PPEF2: variants seen among roughly 807,000 people sequenced by gnomAD.
PPEF2 encodes the protein protein phosphatase with EF-hand domain 2.
A neutral mutation model predicts 84.7 loss-of-function variants in PPEF2; 84 were observed. The ratio of observed to expected loss-of-function variants is 0.99; its 90% CI spans 0.83 to 1.19. The LOEUF (loss-of-function observed/expected upper bound fraction) is 1.19. Ranked by LOEUF, PPEF2 falls within the 50% of genes most tolerant of loss-of-function variation. The probability of loss-of-function intolerance (pLI) is 0.00; values close to 1 mark genes in which losing one functional copy is unlikely to be tolerated. For missense variants in PPEF2, 924 were observed against 937.5 expected, an observed-to-expected ratio of 0.99 and a Z score of 0.19; for synonymous variants, 346 against 345.2, an observed-to-expected ratio of 1.00 and a Z score of -0.03.
At chr4:75,898,822 A>G (rs778991074) in intron 1 of PPEF2, among the ~76,000 whole-genome samples, 1 of 152,036 alleles carries the variant, frequency 6.6e-6, no homozygotes, top group Non-Finnish European at 1.5e-5. Flanking sequence ...TAATTGGCAT[A>G]TCCATCACCT....
chr4:75,876,332 A>G lies in PPEF2; in HGVS notation c.1275T>C (p.Ser425=). ...TGGGCTTCCGCAGCTCTCCGGCTTCAGAGTCTGCTTCTGAGGCTGAGCGGG... is the reference window on the plus strand; with the variant it reads ...TGGGCTTCCGCAGCTCTCCGGCTTCGGAGTCTGCTTCTGAGGCTGAGCGGG... ...EPSRSASEAD[S]EAGELRKPTQ... Residue 425 remains serine (S), a synonymous_variant, in exon 11 of 17, where the codon TCT becomes TCC. Coordinates refer to ENST00000286719, the MANE Select transcript of PPEF2 (RefSeq NM_006239.3). 1 of 1,613,456 alleles carries G rather than the reference A, an allele frequency of 6.2e-7. No homozygotes were observed.
intron 16 of PPEF2, among the ~76,000 whole-genome samples, chr4:75,863,175 A>G (rs1413435397): frequency 6.6e-6 from 1 of 152,024 alleles, no homozygotes; most frequent in Non-Finnish European, 1.5e-5. Flanking sequence ...GCTAATAGGT[A>G]TGAGATTTCT....
At chr4:75,895,970 T>G (rs1349545804) in intron 2 of PPEF2, among the ~76,000 whole-genome samples, 3 of 152,192 alleles carry the variant, frequency 2.0e-5, no homozygotes, top group Non-Finnish European at 2.9e-5. Flanking sequence ...CTCTACCCTC[T>G]GCCTGGAATG....
intron 6 of PPEF2, 101 bp from the exon 7 acceptor site, chr4:75,886,999 A>G: frequency 1.7e-6 from 1 of 590,688 alleles, no homozygotes; most frequent in Non-Finnish European, 2.9e-6. Context: ...CTGACAGAAA[A>G]AACCCTACAA....
rs577043697 is a variant in PPEF2 at position 75,866,582 on chromosome 4, A to G, written c.1757-230T>C. 9.8e-4 allele frequency: 566 copies of G among 574,690 alleles called. 1 individual carries two copies. The highest frequency in any genetic ancestry group is 4.9e-3 in the Middle Eastern group (15 of 3,072). 35.6% of individuals were successfully genotyped at this position (574,690 alleles called of 1,614,324 possible). On this transcript the variant is annotated intron_variant, in intron 14 of 16. Transcript: ENST00000286719. ...ATTGAAGACAGACAGTAAAGTATAT[A>G]AAAGTGCCAAATATTGCATAAAAAT... is the stretch of plus-strand genomic sequence containing the variant.
At chr4:75,877,364 GAGAGAGAAAGAA>G (rs1724453737) in intron 10 of PPEF2, among the ~76,000 whole-genome samples, 1 of 17,878 alleles carries the variant, frequency 5.6e-5, no homozygotes, top group African/African-American at 6.2e-5. Context: ...ATAAAAAAGA[GAGAGAGAAAGAA>G]AGAGAGAAAG....
In PPEF2 at chr4:75,876,337, C is replaced by A. The variant is rs1300842412; in HGVS notation, c.1270G>T (p.Asp424Tyr). 1 of 1,613,668 alleles carries A rather than the reference C, an allele frequency of 6.2e-7. No individual in the cohort carries two copies. Among genetic ancestry groups the A allele is most frequent in the Non-Finnish European group, 8.5e-7 (1 of 1,179,868 alleles). Residue 424 changes from aspartate (D) to tyrosine (Y), a missense_variant, in exon 11 of 17, where the codon GAC becomes TAC. Physicochemically the swap from Asp to Tyr is radical, Grantham distance 160 (BLOSUM62 -3). Transcript: ENST00000286719. Reference sequence around the variant, plus strand: ...TTCCGCAGCTCTCCGGCTTCAGAGTCTGCTTCTGAGGCTGAGCGGGAGGGC... The same window carrying A: ...TTCCGCAGCTCTCCGGCTTCAGAGTATGCTTCTGAGGCTGAGCGGGAGGGC... ...EEPSRSASEA[D>Y]SEAGELRKPT...
intron 15 of PPEF2, among the ~76,000 whole-genome samples, chr4:75,865,591 G>C (rs931186364): frequency 2.6e-5 from 4 of 152,042 alleles, no homozygotes; most frequent in Non-Finnish European, 5.9e-5. Context: ...TCATCGTGTT[G>C]GCCAGGCTGG....
chr4:75,861,764 CACT>C (rs1724007372), intron 16 of PPEF2, among the ~76,000 whole-genome samples: 1 of 137,354 alleles, frequency 7.3e-6, no homozygotes, highest in Admixed American at 7.8e-5. Flanking sequence ...CACCCGCCAC[CACT>C]CCCGGCTAAT....
intron 8 of PPEF2, among the ~76,000 whole-genome samples, chr4:75,884,066 G>C (rs560468424): frequency 2.9e-4 from 44 of 152,250 alleles, no homozygotes; most frequent in Middle Eastern, 3.4e-3. Flanking sequence ...CTGGGAGGTG[G>C]AGGTTGCAGT....
intron 8 of PPEF2, among the ~76,000 whole-genome samples, chr4:75,884,372 G>A (rs1724665214): frequency 6.7e-6 from 1 of 150,358 alleles, no homozygotes; most frequent in Non-Finnish European, 1.5e-5. Context: ...AGGTTGCAGT[G>A]AGCCAAGATT....
At chr4:75,879,606 TA>T in intron 10 of PPEF2, among the ~76,000 whole-genome samples, 1 of 152,324 alleles carries the variant, frequency 6.6e-6, no homozygotes, top group Middle Eastern at 3.4e-3. Context: ...TTTCTTATAA[TA>T]AAAATTAGAA....
intron 5 of PPEF2, among the ~76,000 whole-genome samples, chr4:75,888,633 T>G (rs1352650271): frequency 6.6e-6 from 1 of 152,246 alleles, no homozygotes; most frequent in Non-Finnish European, 1.5e-5. Context: ...CAGTAAAGTA[T>G]GACTAAGTGC....
Position 75,886,514 on chromosome 4 carries a change from A to G in PPEF2, c.579+338T>C, listed in dbSNP as rs896100340. ...CAGAGCAGCTCCCTCGCTGTGATCT[A>G]CTGAAAGTCAGCCCTCGACACAAGG... On this transcript the variant is annotated intron_variant, in intron 7 of 16. Transcript: ENST00000286719. 2.0e-5 allele frequency among the ~76,000 whole-genome samples: 3 copies of G among 152,300 alleles called. No individual in the cohort carries two copies. The East Asian group carries it at 5.8e-4, about 29-fold the overall frequency.
In PPEF2 at chr4:75,860,367, A is replaced by G. The variant is rs906457994; in HGVS notation, c.*300T>C. 3.0e-5 allele frequency: 11 copies of G among 362,238 alleles called. No individual in the cohort carries two copies. The highest frequency in any genetic ancestry group is 4.4e-5 in the Admixed American group (1 of 22,920). 22.4% of individuals were successfully genotyped at this position (362,238 alleles called of 1,614,324 possible). Reference sequence around the variant, plus strand: ...CAAAAAAACGTATAAAATGAAAACAATGAGAGAGTTACATTGTCAGTGGTT... The same window carrying G: ...CAAAAAAACGTATAAAATGAAAACAGTGAGAGAGTTACATTGTCAGTGGTT... On this transcript the variant is annotated 3_prime_UTR_variant, in exon 17 of 17. Coordinates refer to ENST00000286719, the MANE Select transcript of PPEF2 (RefSeq NM_006239.3).
At chr4:75,888,159 G>A in intron 6 of PPEF2, 55 bp downstream of exon 6, 1 of 1,339,912 alleles carries the variant, frequency 7.5e-7, no homozygotes, top group Non-Finnish European at 1.1e-6. Flanking sequence ...CCCCACACAG[G>A]TAGAGCATTC....
rs1377924632 is a variant in PPEF2 at position 75,896,379 on chromosome 4, G to T, written c.-54C>A. On this transcript the variant is annotated 5_prime_UTR_variant, in exon 2 of 17. Coordinates refer to ENST00000286719, the MANE Select transcript of PPEF2 (RefSeq NM_006239.3). ...CAGCAGATCCAGAGGACAGTGAGCT[G>T]TTTGCTGACAAAATGAAGAGAGAAT... 16 of 1,578,272 alleles carry T rather than the reference G, an allele frequency of 1.0e-5. No individual in the cohort carries two copies. Among genetic ancestry groups the T allele is most frequent in the African/African-American group, 1.3e-5 (1 of 74,106 alleles).
At chr4:75,894,077 G>C (rs548350486) in intron 2 of PPEF2, among the ~76,000 whole-genome samples, 1 of 152,260 alleles carries the variant, frequency 6.6e-6, no homozygotes, top group African/African-American at 2.4e-5. Flanking sequence ...ATACACCTGG[G>C]CTGTAAAAAC....
At chr4:75,866,420 A>G in intron 14 of PPEF2, 68 bp from the exon 15 acceptor site, 1 of 1,561,166 alleles carries the variant, frequency 6.4e-7, no homozygotes, top group Non-Finnish European at 8.7e-7. Flanking sequence ...TGGTGTGTAT[A>G]TTTTTATCCT....
Sources: allele counts gnomAD v4.1 joint callset (sites outside exome capture counted in the v4.1 genomes callset), GRCh38; gene constraint gnomAD v4.1.1; transcripts MANE v1.5; gene names NCBI Gene and HGNC (gene_info 2026-07-23, HGNC 2026-07-21).